Variants in NXPE2 observed in about 807,000 individuals in gnomAD.
The protein encoded by NXPE2 is NXPE family member 2.
Under a neutral mutation model 34.4 loss-of-function variants are expected in NXPE2, and 34 were observed. That is an observed-to-expected ratio of 0.99 (90% CI 0.75 to 1.31). NXPE2 has a LOEUF of 1.31. Ranked by LOEUF, NXPE2 falls within the 40% of genes most tolerant of loss-of-function variation. NXPE2 has a pLI of 0.00. For synonymous variants in NXPE2, 235 were observed against 231.3 expected, an observed-to-expected ratio of 1.02 and a Z score of -0.15; for missense variants, 649 against 672.5, an observed-to-expected ratio of 0.97 and a Z score of 0.39.
chr11:114,794,901 T>C, the NXPE2 span, among the ~76,000 whole-genome samples: 3 of 135,598 alleles, frequency 2.2e-5, no homozygotes, highest in East Asian at 5.1e-4. Flanking sequence ...CTGTGAACCA[T>C]GAAAGCTCAG....
chr11:114,468,227 G>A, the NXPE2 span, among the ~76,000 whole-genome samples: 1 of 152,274 alleles, frequency 6.6e-6, no homozygotes, highest in East Asian at 1.9e-4. Flanking sequence ...CTGGGCCACA[G>A]GTTGGACACA....
chr11:114,807,806 T>G, the NXPE2 span, among the ~76,000 whole-genome samples: 3 of 152,056 alleles, frequency 2.0e-5, no homozygotes, highest in East Asian at 5.8e-4. Flanking sequence ...TTAACAAGGA[T>G]ACCCAGGAAT....
the NXPE2 span, among the ~76,000 whole-genome samples, chr11:114,537,172 A>G: frequency 2.0e-5 from 3 of 152,218 alleles, no homozygotes; most frequent in African/African-American, 7.2e-5. Flanking sequence ...AGAACCAAAG[A>G]CAAAAACCAG....
the NXPE2 span, among the ~76,000 whole-genome samples, chr11:114,618,034 G>A: frequency 1.0e-4 from 15 of 150,578 alleles, no homozygotes; most frequent in African/African-American, 1.7e-4. Context: ...GTGTTGCCTC[G>A]TGGGTAACAA....
chr11:114,651,985 C>G, the NXPE2 span, among the ~76,000 whole-genome samples: 1 of 152,228 alleles, frequency 6.6e-6, no homozygotes, highest in African/African-American at 2.4e-5. Flanking sequence ...CAGCTTGCTG[C>G]ATCCCAGGTT....
the NXPE2 span, among the ~76,000 whole-genome samples, chr11:114,496,815 A>G: frequency 1.4e-4 from 21 of 152,128 alleles, no homozygotes; most frequent in South Asian, 4.1e-4. Flanking sequence ...AAAAATTCCT[A>G]TTGCCTAGTG....
At chr11:114,765,604 C>T in the NXPE2 span, among the ~76,000 whole-genome samples, 2 of 152,098 alleles carry the variant, frequency 1.3e-5, no homozygotes, top group Non-Finnish European at 2.9e-5. Flanking sequence ...CTGAGGTATA[C>T]CTACAACCAT....
At chr11:114,666,466 A>C in the NXPE2 span, among the ~76,000 whole-genome samples, 1 of 152,190 alleles carries the variant, frequency 6.6e-6, no homozygotes. Context: ...GTGTATCCTC[A>C]CATCAGTATT....
In NXPE2 at chr11:114,701,747, C is replaced by T. The variant is rs373758496; in HGVS notation, c.867-2244C>T. Among the ~76,000 whole-genome samples, 141 of 152,330 alleles carry T rather than the reference C, an allele frequency of 9.3e-4. No homozygotes were observed. The South Asian group carries it at 0.016, about 17-fold the overall frequency. On this transcript the variant is annotated intron_variant, in intron 3 of 5. Coordinates refer to ENST00000389586, the MANE Select transcript of NXPE2 (RefSeq NM_182495.6). ...AAGCCAGTTTCTGTTTCATTTGTAA[C>T]ATAGTACCGTTAACCCTTGAACAAC...
chr11:114,499,710 A>G, the NXPE2 span, among the ~76,000 whole-genome samples: 3 of 152,136 alleles, frequency 2.0e-5, no homozygotes, highest in Non-Finnish European at 4.4e-5. Flanking sequence ...TGTGTAACCA[A>G]CACACCACCC....
the NXPE2 span, among the ~76,000 whole-genome samples, chr11:114,618,061 A>G: frequency 6.6e-6 from 1 of 152,008 alleles, no homozygotes; most frequent in African/African-American, 2.4e-5. Flanking sequence ...CCCTGTGGAT[A>G]ATAAGTGTTG....
chr11:114,582,297 A>T, the NXPE2 span: 1 of 1,570,060 alleles, frequency 6.4e-7, no homozygotes, highest in Non-Finnish European at 8.6e-7. Context: ...CCTTTCAAAG[A>T]GGCTCTTTTC....
the NXPE2 span, among the ~76,000 whole-genome samples, chr11:114,753,297 C>T: frequency 6.6e-6 from 1 of 152,012 alleles, no homozygotes; most frequent in Non-Finnish European, 1.5e-5. Context: ...GAAGGCTGAC[C>T]AGGGAGGATC....
chr11:114,494,311 T>G, the NXPE2 span, among the ~76,000 whole-genome samples: 1 of 152,196 alleles, frequency 6.6e-6, no homozygotes, highest in East Asian at 1.9e-4. Flanking sequence ...GTTATCCACC[T>G]CCTCTTTAAG....
rs141632300 is a variant in NXPE2 at position 114,695,280 on chromosome 11, G to T, written c.133-2765G>T. 2.2e-4 allele frequency among the ~76,000 whole-genome samples: 33 copies of T among 152,240 alleles called. No individual in the cohort carries two copies. In the East Asian group the frequency reaches 5.2e-3, roughly 24 times the overall value. The stretch of plus-strand genomic sequence containing the variant: ...TCTATACAGAATTCCTATTGAGTTG[G>T]TTGTAAGATGTGCAGGAGGGGAAGC... On this transcript the variant is annotated intron_variant, in intron 2 of 5. Coordinates refer to ENST00000389586, the MANE Select transcript of NXPE2 (RefSeq NM_182495.6).
chr11:114,631,431 C>A, the NXPE2 span, among the ~76,000 whole-genome samples: 2 of 148,792 alleles, frequency 1.3e-5, no homozygotes, highest in Non-Finnish European at 3.0e-5. Flanking sequence ...GAACAAAAAA[C>A]CAAACACTGC....
the NXPE2 span, among the ~76,000 whole-genome samples, chr11:114,632,706 T>C: frequency 1.3e-5 from 1 of 77,166 alleles, no homozygotes; most frequent in Non-Finnish European, 2.2e-5. Context: ...ATTTATATAA[T>C]ATAATATAAT....
chr11:114,780,378 G>C, the NXPE2 span, among the ~76,000 whole-genome samples: 30 of 152,366 alleles, frequency 2.0e-4, no homozygotes, highest in African/African-American at 5.0e-4. Flanking sequence ...GGACAAAGAG[G>C]AGGAGCTGTG....
At chr11:114,683,752 C>T (rs1242649938) in intron 2 of NXPE2, among the ~76,000 whole-genome samples, 1 of 152,042 alleles carries the variant, frequency 6.6e-6, no homozygotes, top group African/African-American at 2.4e-5. Flanking sequence ...ATAGTAGATA[C>T]TTAATAAATA....
Sources: allele counts gnomAD v4.1 joint callset (sites outside exome capture counted in the v4.1 genomes callset), GRCh38; gene constraint gnomAD v4.1.1; transcripts MANE v1.5; gene names NCBI Gene and HGNC (gene_info 2026-07-23, HGNC 2026-07-21).